The following ESRRG variants were observed in gnomAD, a reference collection of about 807,000 sequenced individuals.
The protein encoded by ESRRG is estrogen-related receptor gamma.
In ESRRG, 13 loss-of-function variants were observed where a neutral mutation model predicts 44.0. The observed-to-expected ratio is 0.30, with a 90% CI of 0.19 to 0.47. The LOEUF (loss-of-function observed/expected upper bound fraction) is 0.47. ESRRG is among the 20% of genes least tolerant of loss of function. The pLI is 1.00. For missense variants in ESRRG, 395 were observed against 580.6 expected (o/e 0.68, Z 3.29); for synonymous variants, 215 against 214.6 (o/e 1.00, Z -0.02).
At chr1:216,569,600 A>G (rs2060412276) in intron 3 of ESRRG, among the ~76,000 whole-genome samples, 1 of 152,224 alleles carries the variant, frequency 6.6e-6, no homozygotes. Flanking sequence ...AAAGTTTAGC[A>G]CAGGACCATA....
At chr1:216,577,733 T>G (rs2061945940) in intron 3 of ESRRG, among the ~76,000 whole-genome samples, 1 of 152,004 alleles carries the variant, frequency 6.6e-6, no homozygotes, top group Admixed American at 6.6e-5. Flanking sequence ...TAGTAGAGTC[T>G]AATGATCAAA....
chr1:216,712,014 A>G (rs2083706210), intron 1 of ESRRG, among the ~76,000 whole-genome samples: 1 of 152,192 alleles, frequency 6.6e-6, no homozygotes, highest in East Asian at 1.9e-4. Flanking sequence ...CTGATGTTTC[A>G]TCAAGGAATT....
In ESRRG at chr1:216,504,780, G is replaced by A. The variant is rs1387579805; in HGVS notation, c.*2159C>T. 1.3e-5 allele frequency: 2 copies of A among 152,544 alleles called. No individual in the cohort carries two copies. The highest frequency in any genetic ancestry group is 6.5e-5 in the Admixed American group (1 of 15,274). The allele number at this position is 152,544 out of a possible 1,614,324, so 9.4% of individuals were successfully genotyped here. A position where few individuals can be genotyped will look rare whatever the true frequency, so the allele number is the denominator to read the frequency against. ...TGGTATTCTATAATAAACCATTAGA[G>A]AAATTATTCCTTGTTTTGAAAATAT... On this transcript the variant is annotated 3_prime_UTR_variant, in exon 7 of 7. Transcript: ENST00000408911.
chr1:216,687,646 T>A (rs980039690), intron 1 of ESRRG, among the ~76,000 whole-genome samples: 1 of 152,080 alleles, frequency 6.6e-6, no homozygotes, highest in Non-Finnish European at 1.5e-5. Flanking sequence ...TCATTTAGCG[T>A]CTCCTACATC....
At chr1:217,016,896 A>T (rs2079466479) in intron 1 of ESRRG, among the ~76,000 whole-genome samples, 1 of 152,174 alleles carries the variant, frequency 6.6e-6, no homozygotes. Flanking sequence ...GCATACGTCC[A>T]TACAGTTTAT....
chr1:216,850,436 G>T (rs963315803), intron 2 of ESRRG, among the ~76,000 whole-genome samples: 1 of 152,008 alleles, frequency 6.6e-6, no homozygotes, highest in Non-Finnish European at 1.5e-5. Context: ...CACTTGCATT[G>T]TTAAAAAGAT....
intron 3 of ESRRG, among the ~76,000 whole-genome samples, chr1:216,568,790 C>T (rs1320423454): frequency 2.0e-5 from 3 of 152,098 alleles, no homozygotes; most frequent in Non-Finnish European, 4.4e-5. Flanking sequence ...CAGTGGCTCA[C>T]GCCTGTATAA....
intron 2 of ESRRG, among the ~76,000 whole-genome samples, chr1:216,658,902 AGAGAAGAG>A (rs1363805556): frequency 6.6e-6 from 1 of 150,866 alleles, no homozygotes; most frequent in African/African-American, 2.5e-5. Context: ...AGAGAAGAGA[AGAGAAGAG>A]AAGAGAAATA....
chr1:216,522,255 CTTTTTTTT>C (rs71161437), intron 5 of ESRRG, among the ~76,000 whole-genome samples: 1 of 29,260 alleles, frequency 3.4e-5, no homozygotes, highest in African/African-American at 1.5e-4. Flanking sequence ...AACAGCTCTC[CTTTTTTTT>C]TTTTTTTTTT....
chr1:216,730,468 A>G (rs891155934), intron 2 of ESRRG, among the ~76,000 whole-genome samples: 2 of 152,100 alleles, frequency 1.3e-5, no homozygotes, highest in Non-Finnish European at 2.9e-5. Flanking sequence ...TCAGGGATTC[A>G]GTTTTGTTAA....
chr1:216,506,798 T>G lies in ESRRG; in HGVS notation c.*141A>C, dbSNP rs993754386. ...CCTATGGAGGAATCTGAAAGCTGCT[T>G]CATAGTCTTGCTGCTAAATTATCAG... On this transcript the variant is annotated 3_prime_UTR_variant, in exon 7 of 7. Transcript: ENST00000408911. 9 of 892,830 alleles carry G rather than the reference T, an allele frequency of 1.0e-5. No individual in the cohort carries two copies. Among genetic ancestry groups the G allele is most frequent in the Non-Finnish European group, 1.2e-5 (7 of 582,530 alleles). 55.3% of individuals were successfully genotyped at this position (892,830 alleles called of 1,614,324 possible).
chr1:216,673,614 C>T (rs2151436764), intron 2 of ESRRG, among the ~76,000 whole-genome samples: 1 of 152,318 alleles, frequency 6.6e-6, no homozygotes, highest in Admixed American at 6.5e-5. Context: ...TTTCAGCATC[C>T]TAAAGAATAA....
At chr1:217,020,381 C>T (rs1003401932) in intron 1 of ESRRG, among the ~76,000 whole-genome samples, 1 of 152,160 alleles carries the variant, frequency 6.6e-6, no homozygotes, top group Non-Finnish European at 1.5e-5. Flanking sequence ...TATTGCTTAA[C>T]TGTAGGGATT....
At chr1:217,094,534 G>A (rs1346565607), upstream of ESRRG, among the ~76,000 whole-genome samples, 1 of 152,072 alleles carries the variant, frequency 6.6e-6, no homozygotes, top group East Asian at 1.9e-4. Flanking sequence ...GGTTTTTGTT[G>A]GGATAAAATG....
intron 1 of ESRRG, among the ~76,000 whole-genome samples, chr1:216,999,831 T>C (rs2076800879): frequency 6.6e-6 from 1 of 152,252 alleles, no homozygotes; most frequent in South Asian, 2.1e-4. Context: ...TTCTGTGTTC[T>C]GACCATGGCA....
At chr1:217,083,042 T>C (rs192963613) in intron 1 of ESRRG, among the ~76,000 whole-genome samples, 1 of 152,352 alleles carries the variant, frequency 6.6e-6, no homozygotes. Flanking sequence ...ACTCTCATTC[T>C]GTTTTACTGC....
At chr1:216,921,798 A>C (rs1156496733) in intron 2 of ESRRG, among the ~76,000 whole-genome samples, 3 of 152,160 alleles carry the variant, frequency 2.0e-5, no homozygotes, top group Admixed American at 6.5e-5. Flanking sequence ...AATTTGTATT[A>C]ATTTTATTCC....
At chr1:216,852,239 C>T (rs1024695193) in intron 2 of ESRRG, among the ~76,000 whole-genome samples, 1 of 152,126 alleles carries the variant, frequency 6.6e-6, no homozygotes, top group African/African-American at 2.4e-5. Flanking sequence ...AGGTTGGCTT[C>T]TTCATAGACA....
At chr1:217,034,449 C>A (rs1282829337) in intron 1 of ESRRG, among the ~76,000 whole-genome samples, 2 of 152,092 alleles carry the variant, frequency 1.3e-5, no homozygotes, top group Non-Finnish European at 2.9e-5. Context: ...GAAATGCTGC[C>A]ACTCCTGGGT....
Sources: allele counts gnomAD v4.1 joint callset (sites outside exome capture counted in the v4.1 genomes callset), GRCh38; gene constraint gnomAD v4.1.1; transcripts MANE v1.5; gene names NCBI Gene and HGNC (gene_info 2026-07-23, HGNC 2026-07-21).